STK32C: variants seen among roughly 807,000 people sequenced by gnomAD.
The protein encoded by STK32C is serine/threonine kinase 32C, also known as serine/threonine-protein kinase 32C.
Under a neutral mutation model 56.5 loss-of-function variants are expected in STK32C, and 31 were observed. That is an observed-to-expected ratio of 0.55 (90% CI 0.41 to 0.74). The LOEUF (loss-of-function observed/expected upper bound fraction) is 0.74, where lower values mean the gene tolerates loss of function less well. Among genes scored for constraint, STK32C ranks in the 30% least tolerant of loss-of-function variants. The probability of loss-of-function intolerance (pLI) is 0.00; values close to 1 mark genes in which losing one functional copy is unlikely to be tolerated. For missense variants in STK32C, 544 were observed against 676.9 expected, an observed-to-expected ratio of 0.80 and a Z score of 2.18; for synonymous variants, 309 against 289.4, an observed-to-expected ratio of 1.07 and a Z score of -0.69.
intron 1 of STK32C, among the ~76,000 whole-genome samples, chr10:132,283,326 G>A (rs940881909): frequency 6.6e-6 from 1 of 152,248 alleles, no homozygotes; most frequent in Non-Finnish European, 1.5e-5. Flanking sequence ...GGCACAACCC[G>A]CCCTGTGAAA....
chr10:132,308,227 C>T (rs1334540903), upstream of STK32C, among the ~76,000 whole-genome samples: 2 of 152,100 alleles, frequency 1.3e-5, no homozygotes, highest in Non-Finnish European at 2.9e-5. Flanking sequence ...GGGACCACGG[C>T]TCAGACTAGA....
intron 2 of STK32C, among the ~76,000 whole-genome samples, chr10:132,232,626 A>G (rs1023993537): frequency 2.0e-5 from 3 of 152,158 alleles, no homozygotes; most frequent in Non-Finnish European, 4.4e-5. Context: ...ACTTAAGCCC[A>G]AAGAGAAAAT....
At chr10:132,237,118 A>T (rs2063320836) in intron 2 of STK32C, among the ~76,000 whole-genome samples, 2 of 152,206 alleles carry the variant, frequency 1.3e-5, no homozygotes, top group South Asian at 4.1e-4. Flanking sequence ...CGGAGCTGCC[A>T]GCTGGGTGGG....
downstream of STK32C, among the ~76,000 whole-genome samples, chr10:132,319,854 T>C (rs910414211): frequency 1.3e-5 from 2 of 152,110 alleles, no homozygotes; most frequent in African/African-American, 4.8e-5. Context: ...GAGGCATAAT[T>C]TACATAATAT....
chr10:132,288,372 A>C (rs2065473610), intron 1 of STK32C, among the ~76,000 whole-genome samples: 1 of 152,262 alleles, frequency 6.6e-6, no homozygotes. Flanking sequence ...TCAACATTTA[A>C]AACTTCTTTC....
chr10:132,285,943 T>A (rs2065388499), intron 1 of STK32C, among the ~76,000 whole-genome samples: 1 of 151,780 alleles, frequency 6.6e-6, no homozygotes, highest in Non-Finnish European at 1.5e-5. Context: ...GCTAACACAG[T>A]GAAATCCCAT....
In STK32C at chr10:132,211,576, G is replaced by A. The variant is rs376113478; in HGVS notation, c.1252-2475C>T. Among the ~76,000 whole-genome samples, 5 of 152,344 alleles carry A rather than the reference G, an allele frequency of 3.3e-5. No homozygotes were observed. The East Asian group carries it at 7.7e-4, about 24-fold the overall frequency. ...TTTCCACAGGGACTCCCTTCCCAAG[G>A]TGTGTGTAGCGCCGCCAGCAGTACC... On this transcript the variant is annotated intron_variant, in intron 10 of 11. Transcript: ENST00000298630.
In STK32C at chr10:132,330,549, C is replaced by A. The variant is rs879071196; in HGVS notation, c.301+887G>T. 2 of 715,128 alleles carry A rather than the reference C, an allele frequency of 2.8e-6. 1 individual carries two copies. The highest frequency in any genetic ancestry group is 3.0e-5 in the South Asian group (2 of 67,502). The allele number at this position is 715,128 out of a possible 1,614,324, so 44.3% of individuals were successfully genotyped here. The stretch of plus-strand genomic sequence containing the variant: ...TTTTGAGACAGGGTCTCGCTGTCAC[C>A]GAAGCTGACATTAAGTGGCACAATC... On this transcript the variant is annotated intron_variant, in intron 1 of 1. Transcript: ENST00000368619.
intron 1 of STK32C, among the ~76,000 whole-genome samples, chr10:132,275,063 G>C (rs944059105): frequency 6.6e-6 from 1 of 152,242 alleles, no homozygotes; most frequent in African/African-American, 2.4e-5. Context: ...GTGTCCCCCA[G>C]GGCCGAGGAA....
At chr10:132,271,009 C>T (rs1306724061) in intron 1 of STK32C, among the ~76,000 whole-genome samples, 1 of 152,118 alleles carries the variant, frequency 6.6e-6, no homozygotes, top group African/African-American at 2.4e-5. Flanking sequence ...AGGGAGGAGC[C>T]AGGGGTGAGA....
chr10:132,285,901 C>T lies in STK32C; in HGVS notation c.262+21671G>A, dbSNP rs1188288295. 2.0e-5 allele frequency among the ~76,000 whole-genome samples: 3 copies of T among 152,286 alleles called. No homozygotes were observed. In the East Asian group the frequency reaches 5.8e-4, roughly 29 times the overall value. On this transcript the variant is annotated intron_variant, in intron 1 of 11. Coordinates refer to ENST00000298630, the MANE Select transcript of STK32C (RefSeq NM_173575.4). ...CTTTGGGAGGCCGAGGCGGGCAGAT[C>T]ATGAGGTCAGGAGATGGAGATGACC...
At chr10:132,230,014 G>T (rs1384883203) in intron 2 of STK32C, among the ~76,000 whole-genome samples, 2 of 152,220 alleles carry the variant, frequency 1.3e-5, no homozygotes, top group Non-Finnish European at 2.9e-5. Flanking sequence ...AGAGCCTTGT[G>T]TTGGGGGCTG....
chr10:132,307,481 C>T lies in STK32C; in HGVS notation c.262+91G>A. On this transcript the variant is annotated intron_variant, in intron 1 of 11. Transcript: ENST00000298630. This position sits in a 1 kb window ranked among gnomAD's most constrained non-coding sequence, Gnocchi z 4.4. ...GCGCCCCGGGAAGCCGTCCCGGACA[C>T]CGGGGGAACCCCTGCGGGAAAAAGC... The T allele has an allele frequency of 7.3e-7, 1 of 1,377,174 alleles. No individual in the cohort carries two copies. The highest frequency in any genetic ancestry group is 1.5e-5 in the African/African-American group (1 of 65,390). The allele number at this position is 1,377,174 out of a possible 1,614,324, so 85.3% of individuals were successfully genotyped here.
At chr10:132,331,942 C>G, upstream of STK32C, 2 of 582,628 alleles carry the variant, frequency 3.4e-6, no homozygotes, top group South Asian at 5.0e-5. Flanking sequence ...CGCAACCCCC[C>G]GCCCCAGCGC....
At chr10:132,325,290 C>T (rs1477067509) in intron 1 of STK32C, among the ~76,000 whole-genome samples, 1 of 152,110 alleles carries the variant, frequency 6.6e-6, no homozygotes, top group Non-Finnish European at 1.5e-5. Context: ...CGGTGGCTCA[C>T]ACCTGTAATC....
chr10:132,246,168 G>A (rs11146264), intron 1 of STK32C, among the ~76,000 whole-genome samples: 10,779 of 152,302 alleles, frequency 0.071, 1,140 homozygotes, highest in African/African-American at 0.23. Flanking sequence ...GGTCTTGCAC[G>A]TCCTACTCCC....
chr10:132,267,162 G>A (rs567300126), intron 1 of STK32C, among the ~76,000 whole-genome samples: 1 of 152,320 alleles, frequency 6.6e-6, no homozygotes, highest in South Asian at 2.1e-4. Flanking sequence ...CCTGGGCTCA[G>A]TCCAGGCAGT....
intron 1 of STK32C, among the ~76,000 whole-genome samples, chr10:132,271,859 C>T (rs1417186771): frequency 6.6e-6 from 1 of 152,236 alleles, no homozygotes. Flanking sequence ...GTGCTCAGAG[C>T]CACGGCCCTG....
At chr10:132,253,402 CGAGGGAGCTG>C (rs1309297808) in intron 1 of STK32C, among the ~76,000 whole-genome samples, 147 of 138,760 alleles carry the variant, frequency 1.1e-3, no homozygotes, top group African/African-American at 3.3e-3. Context: ...TGGAGGGAGT[CGAGGGAGCTG>C]GAGGGAGCTG....
Sources: gnomAD v4.1 joint callset for allele counts (sites outside exome capture counted in the v4.1 genomes callset) on GRCh38, gnomAD v4.1.1 for gene constraint, Gnocchi (gnomAD v3.1) non-coding constraint, MANE v1.5 for transcripts, NCBI Gene and HGNC (gene_info 2026-07-23, HGNC 2026-07-21) for gene names.